The following CDH6 variants were observed in gnomAD, a reference collection of about 807,000 sequenced individuals.
CDH6 encodes cadherin 6.
A neutral mutation model predicts 78.0 loss-of-function variants in CDH6; 31 were observed. That is an observed-to-expected ratio of 0.40 (90% CI 0.30 to 0.54). The LOEUF (loss-of-function observed/expected upper bound fraction) is 0.54. CDH6 is among the 20% of genes least tolerant of loss of function. The pLI, the probability that CDH6 is intolerant of heterozygous loss-of-function variation, is 0.56. For synonymous variants in CDH6, 376 were observed against 368.8 expected (o/e 1.02, Z -0.23); for missense variants, 724 against 975.9 (o/e 0.74, Z 3.44).
chr5:31,303,292 A>T (rs1177181527), intron 6 of CDH6, among the ~76,000 whole-genome samples: 2 of 152,232 alleles, frequency 1.3e-5, no homozygotes, highest in Non-Finnish European at 2.9e-5. Context: ...ACAAACAAAC[A>T]AACAAATATA....
rs1290755930 is a variant in CDH6, at chr5:31,294,781, T to C, written c.523+525T>C. On this transcript the variant is annotated intron_variant, in intron 3 of 11. Coordinates refer to ENST00000265071, the MANE Select transcript of CDH6 (RefSeq NM_004932.4). This position sits in a 1 kb window ranked among gnomAD's most constrained non-coding sequence, Gnocchi z 4.1. Reference sequence around the variant, plus strand: ...TCTAGGGAGTGGATCCTTTACTACATGGTGGAAATGAAAAGACTTTCATAA... The same window carrying C: ...TCTAGGGAGTGGATCCTTTACTACACGGTGGAAATGAAAAGACTTTCATAA... 6.6e-6 allele frequency among the ~76,000 whole-genome samples: 1 copy of C among 152,176 alleles called. No homozygotes were observed. The highest frequency in any genetic ancestry group is 2.4e-5 in the African/African-American group (1 of 41,442).
Position 31,322,932 on chromosome 5 carries a change from A to T in CDH6, c.1997A>T (p.Glu666Val), listed in dbSNP as rs191144517. ...AGTTACAACGACGAAGGTGGTGGAG[A>T]GGAGGACACCCAGGCTTTTGATATC... ...IVSYNDEGGG[E>V]EDTQAFDIGT... is the part of the protein sequence containing the mutation. Residue 666 changes from glutamate to valine, a missense_variant, in exon 12 of 12, where the codon GAG becomes GTG. Transcript: ENST00000265071. 1 of 1,614,006 alleles carries T rather than the reference A, an allele frequency of 6.2e-7. No homozygotes were observed. Among genetic ancestry groups the T allele is most frequent in the Admixed American group, 1.7e-5 (1 of 59,988 alleles).
intron 1 of CDH6, among the ~76,000 whole-genome samples, chr5:31,205,435 G>A (rs141652990): frequency 9.0e-4 from 137 of 152,264 alleles, no homozygotes; most frequent in Non-Finnish European, 1.5e-3. Flanking sequence ...CCTCCAGGCA[G>A]GCGTTTTATT....
At chr5:31,317,521 C>G (rs1297301497) in intron 10 of CDH6, 29 bp downstream of exon 10, 3 of 1,521,734 alleles carry the variant, frequency 2.0e-6, no homozygotes, top group South Asian at 1.1e-5. Flanking sequence ...CCTTCTCTAT[C>G]TATCTCCATC....
chr5:31,323,557 G>A lies in CDH6; in HGVS notation c.*249G>A, dbSNP rs1231662456. On this transcript the variant is annotated 3_prime_UTR_variant, in exon 12 of 12. Coordinates refer to ENST00000265071, the MANE Select transcript of CDH6 (RefSeq NM_004932.4). ...CCCAACAGGCAGGTGCCGGAGGGGA[G>A]GACAGGGAACAGTATTTCCACTTGT... is the stretch of plus-strand genomic sequence containing the variant. 4 of 477,928 alleles carry A rather than the reference G, an allele frequency of 8.4e-6. No homozygotes were observed. The highest frequency in any genetic ancestry group is 1.5e-5 in the Non-Finnish European group (4 of 265,866). The allele number at this position is 477,928 out of a possible 1,614,324, so 29.6% of individuals were successfully genotyped here.
At chr5:31,286,024 A>G (rs930832359) in intron 2 of CDH6, among the ~76,000 whole-genome samples, 13 of 152,244 alleles carry the variant, frequency 8.5e-5, no homozygotes, top group African/African-American at 3.1e-4. Flanking sequence ...AAGAAAGAGT[A>G]TAGAGGACAC....
intron 1 of CDH6, among the ~76,000 whole-genome samples, chr5:31,244,827 TAGG>T (rs893685415): frequency 7.2e-5 from 11 of 152,120 alleles, no homozygotes; most frequent in African/African-American, 2.2e-4. Context: ...GTACTTACTA[TAGG>T]AGAAGAGGGT....
In CDH6 at chr5:31,317,680, G is replaced by A; in HGVS notation, c.1638G>A (p.Thr546=). 3 of 1,608,052 alleles carry A rather than the reference G, an allele frequency of 1.9e-6. No individual in the cohort carries two copies. Among genetic ancestry groups the A allele is most frequent in the Admixed American group, 1.7e-5 (1 of 59,922 alleles). ...TTTGCTTTCCGGTTCCAGACAACAC[G>A]GCGGGAATCTTAACTCGGAAAAATG... ...NFTIQDNKDN[T]AGILTRKNGY... Residue 546 remains threonine (T), a synonymous_variant, in exon 11 of 12, where the codon ACG becomes ACA. Coordinates refer to ENST00000265071, the MANE Select transcript of CDH6 (RefSeq NM_004932.4).
chr5:31,243,097 G>A (rs1375009749), intron 1 of CDH6, among the ~76,000 whole-genome samples: 1 of 152,154 alleles, frequency 6.6e-6, no homozygotes, highest in Non-Finnish European at 1.5e-5. Context: ...CAAAAATTGT[G>A]TTTCTCTCTA....
intron 1 of CDH6, among the ~76,000 whole-genome samples, chr5:31,237,406 G>C (rs1367423122): frequency 1.3e-5 from 2 of 152,062 alleles, no homozygotes; most frequent in Non-Finnish European, 2.9e-5. Context: ...CTATCCACAA[G>C]CTATTTATTT....
intron 1 of CDH6, among the ~76,000 whole-genome samples, chr5:31,263,441 C>CT (rs35835971): frequency 0.013 from 1,353 of 103,630 alleles, 21 homozygotes; most frequent in Middle Eastern, 0.029. Flanking sequence ...TTTTTGGGGT[C>CT]TTTTTTTTTT....
At chr5:31,239,914 A>G (rs1741553360) in intron 1 of CDH6, among the ~76,000 whole-genome samples, 2 of 152,232 alleles carry the variant, frequency 1.3e-5, no homozygotes, top group Admixed American at 1.3e-4. Flanking sequence ...TAATTTGAAC[A>G]GAGACAATTC....
chr5:31,311,572 A>G (rs1177217099), intron 7 of CDH6, among the ~76,000 whole-genome samples: 2 of 152,200 alleles, frequency 1.3e-5, no homozygotes, highest in Non-Finnish European at 2.9e-5. Context: ...GTATTAGTTC[A>G]TTCTCACACT....
At chr5:31,233,427 A>C (rs1579837116) in intron 1 of CDH6, among the ~76,000 whole-genome samples, 2 of 151,596 alleles carry the variant, frequency 1.3e-5, no homozygotes, top group East Asian at 3.9e-4. Flanking sequence ...AGGTGGGAGG[A>C]TCGCTTGAGC....
Position 31,267,642 on chromosome 5 carries a change from TG to T in CDH6, c.171del (p.Trp57Ter). On this transcript the variant is annotated frameshift_variant, in exon 2 of 12. Transcript: ENST00000265071. LOFTEE classifies it high-confidence loss of function. ...GAACCGTTCAAAAAGGAGCTGGATG[TG>T]GAATCAGTTCTTTCTCCTGGAGGAA... is the stretch of plus-strand genomic sequence containing the variant. The part of the protein sequence containing the change: ...ELNRSKRSWM[W>X]NQFFLLEEYT... 1 of 1,614,140 alleles carries T rather than the reference TG, an allele frequency of 6.2e-7. No homozygotes were observed. Among genetic ancestry groups the T allele is most frequent in the Non-Finnish European group, 8.5e-7 (1 of 1,180,020 alleles).
intron 11 of CDH6, among the ~76,000 whole-genome samples, chr5:31,320,978 T>TAAA (rs3028833): frequency 7.1e-6 from 1 of 140,126 alleles, no homozygotes; most frequent in Non-Finnish European, 1.5e-5. Flanking sequence ...GATTCTGTCT[T>TAAA]AAAAAAAAAA....
chr5:31,220,593 A>G (rs1002627027), intron 1 of CDH6, among the ~76,000 whole-genome samples: 1 of 152,182 alleles, frequency 6.6e-6, no homozygotes, highest in African/African-American at 2.4e-5. Context: ...TTACAGTCTC[A>G]TGGAGGAAGG....
intron 2 of CDH6, among the ~76,000 whole-genome samples, chr5:31,274,057 C>T (rs1048420495): frequency 6.6e-6 from 1 of 152,148 alleles, no homozygotes; most frequent in Non-Finnish European, 1.5e-5. Context: ...TAATGCTCAG[C>T]CATTTAACTA....
chr5:31,216,024 G>A (rs546726920), intron 1 of CDH6, among the ~76,000 whole-genome samples: 12 of 152,132 alleles, frequency 7.9e-5, no homozygotes, highest in Non-Finnish European at 1.0e-4. Context: ...TACAGCAAAA[G>A]TATAAAGGGG....
Sources: gnomAD v4.1 joint callset for allele counts (sites outside exome capture counted in the v4.1 genomes callset) on GRCh38, gnomAD v4.1.1 for gene constraint, Gnocchi (gnomAD v3.1) non-coding constraint, MANE v1.5 for transcripts, NCBI Gene and HGNC (gene_info 2026-07-23, HGNC 2026-07-21) for gene names.